Variants in EPHA3 observed in about 807,000 individuals in gnomAD.
EPHA3 encodes the protein ephrin type-A receptor 3.
A neutral mutation model predicts 107.1 loss-of-function variants in EPHA3; 42 were observed. The observed-to-expected ratio is 0.39, with a 90% CI of 0.31 to 0.51. EPHA3 has a LOEUF of 0.51. Ranked by LOEUF, EPHA3 falls within the 20% of genes least tolerant of loss-of-function variation. EPHA3 has a pLI of 0.78. For synonymous variants in EPHA3, 461 were observed against 424.8 expected, an observed-to-expected ratio of 1.09 and a Z score of -1.05; for missense variants, 1,183 against 1,211.2, an observed-to-expected ratio of 0.98 and a Z score of 0.35.
At chr3:89,115,313 T>C (rs1196816906) in intron 1 of EPHA3, among the ~76,000 whole-genome samples, 1 of 152,104 alleles carries the variant, frequency 6.6e-6, no homozygotes, top group Non-Finnish European at 1.5e-5. Context: ...CCCCTAGTAA[T>C]TGCTGAGGGG....
rs373423627 is a variant in EPHA3 at position 89,117,342 on chromosome 3, AGACT to A, written c.88+9511_88+9514del. Among the ~76,000 whole-genome samples, 564 of 152,234 alleles carry A rather than the reference AGACT, an allele frequency of 3.7e-3. 1 individual carries two copies. The highest frequency in any genetic ancestry group is 0.013 in the African/African-American group (555 of 41,558). ...AATTGTAACATTTCCTATCTACCTC[AGACT>A]GACTAAGGGGAACACAGAGCAGCTT... On this transcript the variant is annotated intron_variant, in intron 1 of 16. Coordinates refer to ENST00000336596, the MANE Select transcript of EPHA3 (RefSeq NM_005233.6).
At chr3:89,339,243 C>T (rs544761306) in intron 3 of EPHA3, among the ~76,000 whole-genome samples, 4 of 151,902 alleles carry the variant, frequency 2.6e-5, no homozygotes, top group Non-Finnish European at 2.9e-5. Flanking sequence ...TGGTGGCGCA[C>T]GCCTGTAATC....
At chr3:89,313,511 C>A (rs183462982) in intron 3 of EPHA3, among the ~76,000 whole-genome samples, 2 of 151,992 alleles carry the variant, frequency 1.3e-5, no homozygotes, top group African/African-American at 4.8e-5. Flanking sequence ...CTTGCATTAT[C>A]TGTTCATATT....
chr3:89,429,198 T>G, intron 12 of EPHA3, 31 bp downstream of exon 12: 2 of 1,540,956 alleles, frequency 1.3e-6, no homozygotes, highest in Middle Eastern at 3.4e-4. Context: ...TACATATATA[T>G]GAATAAATTG....
chr3:89,336,409 TGACA>T (rs796914576), intron 3 of EPHA3, among the ~76,000 whole-genome samples: 11 of 152,272 alleles, frequency 7.2e-5, no homozygotes, highest in African/African-American at 2.6e-4. Context: ...AAAGAAGACA[TGACA>T]GACAGACAGG....
chr3:89,421,744 T>A (rs962066413), intron 11 of EPHA3, among the ~76,000 whole-genome samples: 1 of 151,344 alleles, frequency 6.6e-6, no homozygotes, highest in African/African-American at 2.4e-5. Context: ...AACATTAAAC[T>A]ATAAATGTTG....
At chr3:89,425,030 C>G (rs1046687308) in intron 11 of EPHA3, among the ~76,000 whole-genome samples, 1 of 151,284 alleles carries the variant, frequency 6.6e-6, no homozygotes, top group South Asian at 2.1e-4. Flanking sequence ...CTAATTTGAT[C>G]AATTGTAACT....
At chr3:89,379,656 T>C (rs1359548215) in intron 5 of EPHA3, among the ~76,000 whole-genome samples, 1 of 152,214 alleles carries the variant, frequency 6.6e-6, no homozygotes, top group Non-Finnish European at 1.5e-5. Flanking sequence ...AGTACGCCTA[T>C]GTTACAAATA....
rs1704855563 is a variant in EPHA3, at chr3:89,158,576, T to C, written c.153+31303T>C. On this transcript the variant is annotated intron_variant, in intron 2 of 16. Coordinates refer to ENST00000336596, the MANE Select transcript of EPHA3 (RefSeq NM_005233.6). ...AAATAAATGTACAGGATGCTCCTTA[T>C]TATGTCTGCTTTTCCCAGATTCATA... 2.0e-5 allele frequency among the ~76,000 whole-genome samples: 3 copies of C among 152,162 alleles called. No homozygotes were observed. The South Asian group carries it at 6.2e-4, about 31-fold the overall frequency.
chr3:89,351,925 CAAAA>C (rs71621543), intron 5 of EPHA3, among the ~76,000 whole-genome samples: 3 of 84,034 alleles, frequency 3.6e-5, no homozygotes, highest in Non-Finnish European at 7.7e-5. Context: ...AAGGCAGATG[CAAAA>C]AAAAAAAAAA....
intron 11 of EPHA3, among the ~76,000 whole-genome samples, chr3:89,422,946 G>T (rs1512184): frequency 1.3e-5 from 2 of 151,126 alleles, no homozygotes; most frequent in Non-Finnish European, 3.0e-5. Flanking sequence ...AGCAGAAAGC[G>T]GGGGGCACAG....
At chr3:89,202,527 AAAAAAAAATATAT>A (rs1485322749) in intron 2 of EPHA3, among the ~76,000 whole-genome samples, 67 of 118,296 alleles carry the variant, frequency 5.7e-4, no homozygotes, top group Middle Eastern at 8.3e-3. Context: ...AAAAAAAAAA[AAAAAAAAATATAT>A]ATATATATAT....
intron 3 of EPHA3, among the ~76,000 whole-genome samples, chr3:89,222,542 T>C (rs1239354240): frequency 6.7e-6 from 1 of 150,318 alleles, no homozygotes; most frequent in Non-Finnish European, 1.5e-5. Flanking sequence ...TGTATAGATA[T>C]GTGCATGTCT....
chr3:89,229,671 TTTG>T (rs1171605979), intron 3 of EPHA3, among the ~76,000 whole-genome samples: 2 of 152,024 alleles, frequency 1.3e-5, no homozygotes, highest in East Asian at 3.9e-4. Flanking sequence ...AATTTCAATA[TTTG>T]ATTACTGCAA....
intron 3 of EPHA3, among the ~76,000 whole-genome samples, chr3:89,304,852 T>A (rs1488105411): frequency 1.3e-5 from 2 of 152,184 alleles, no homozygotes; most frequent in African/African-American, 4.8e-5. Context: ...ACTTACTGAT[T>A]AATCCTAAGC....
chr3:89,381,594 G>A (rs1262688884), intron 5 of EPHA3, among the ~76,000 whole-genome samples: 1 of 151,896 alleles, frequency 6.6e-6, no homozygotes, highest in Non-Finnish European at 1.5e-5. Context: ...ACTTGAACCT[G>A]GGAGGCAGAG....
rs1425823428 is a variant in EPHA3, at chr3:89,415,607, A to C, written c.1888+2341A>C. Among the ~76,000 whole-genome samples, 6 of 150,734 alleles carry C rather than the reference A, an allele frequency of 4.0e-5. No homozygotes were observed. In the East Asian group the frequency reaches 1.2e-3, roughly 29 times the overall value. On this transcript the variant is annotated intron_variant, in intron 10 of 16. Transcript: ENST00000336596. Reference sequence around the variant, plus strand: ...ATTATACTTATACTATAAATGATAAAATTAAGACATATGAATTAGCTTCCC... The same window carrying C: ...ATTATACTTATACTATAAATGATAACATTAAGACATATGAATTAGCTTCCC...
At chr3:89,151,494 C>T (rs1234705489) in intron 2 of EPHA3, among the ~76,000 whole-genome samples, 1 of 151,972 alleles carries the variant, frequency 6.6e-6, no homozygotes, top group Non-Finnish European at 1.5e-5. Flanking sequence ...CACTTGGGGA[C>T]ATTAGAATGA....
chr3:89,363,457 G>C (rs1158803448), intron 5 of EPHA3, among the ~76,000 whole-genome samples: 3 of 150,778 alleles, frequency 2.0e-5, no homozygotes, highest in Non-Finnish European at 3.0e-5. Flanking sequence ...TGGTCTTAAG[G>C]GTTCTCTATT....
Sources: gnomAD v4.1 joint callset for allele counts (sites outside exome capture counted in the v4.1 genomes callset) on GRCh38, gnomAD v4.1.1 for gene constraint, MANE v1.5 for transcripts, NCBI Gene and HGNC (gene_info 2026-07-23, HGNC 2026-07-21) for gene names.